Variants in RBFOX1 observed in about 807,000 individuals in gnomAD.
The protein encoded by RBFOX1 is RNA binding fox-1 homolog 1, also known as RNA binding protein fox-1 homolog 1.
Under a neutral mutation model 57.7 loss-of-function variants are expected in RBFOX1, and 8 were observed. The ratio of observed to expected loss-of-function variants is 0.14; its 90% CI spans 0.08 to 0.25. The LOEUF (loss-of-function observed/expected upper bound fraction) is 0.25. RBFOX1 is among the 10% of genes least tolerant of loss of function. RBFOX1 has a pLI of 1.00. For synonymous variants in RBFOX1, 326 were observed against 222.4 expected, an observed-to-expected ratio of 1.47 and a Z score of -4.15; for missense variants, 611 against 548.5, an observed-to-expected ratio of 1.11 and a Z score of -1.14.
intron 1 of RBFOX1, among the ~76,000 whole-genome samples, chr16:5,252,449 T>G (rs1436035473): frequency 1.3e-5 from 2 of 152,160 alleles, no homozygotes; most frequent in Non-Finnish European, 2.9e-5. Context: ...CGTATGAGAG[T>G]TCCGTGTGGG....
At chr16:7,189,993 C>T (rs1602388087) in intron 4 of RBFOX1, among the ~76,000 whole-genome samples, 1 of 152,148 alleles carries the variant, frequency 6.6e-6, no homozygotes, top group Non-Finnish European at 1.5e-5. Context: ...TGACAAAATC[C>T]CAAGACTTAT....
chr16:5,857,248 C>T (rs1232127111), intron 3 of RBFOX1, among the ~76,000 whole-genome samples: 2 of 152,058 alleles, frequency 1.3e-5, no homozygotes, highest in Non-Finnish European at 2.9e-5. Flanking sequence ...GGTAAACCTC[C>T]CATCCTATGG....
At chr16:6,972,172 G>A (rs1022912910) in intron 3 of RBFOX1, among the ~76,000 whole-genome samples, 6 of 151,704 alleles carry the variant, frequency 4.0e-5, no homozygotes, top group African/African-American at 1.5e-4. Flanking sequence ...GTATATTCAC[G>A]TTGTTGTGAT....
intron 3 of RBFOX1, among the ~76,000 whole-genome samples, chr16:6,734,754 TA>T (rs2069647831): frequency 1.3e-5 from 2 of 152,188 alleles, no homozygotes; most frequent in East Asian, 3.9e-4. Context: ...CTTTTACCCC[TA>T]TCCAATCAGG....
chr16:6,628,012 A>G (rs928426617), intron 2 of RBFOX1, among the ~76,000 whole-genome samples: 4 of 152,202 alleles, frequency 2.6e-5, no homozygotes, highest in South Asian at 2.1e-4. Flanking sequence ...CAGCAGAGCA[A>G]TGTCTCCAAG....
intron 1 of RBFOX1, among the ~76,000 whole-genome samples, chr16:6,023,327 C>T (rs2095122009): frequency 6.6e-6 from 1 of 151,926 alleles, no homozygotes; most frequent in Non-Finnish European, 1.5e-5. Flanking sequence ...GTCTTCTAGA[C>T]ATCCTCATGT....
Position 5,784,157 on chromosome 16 carries a change from C to G in RBFOX1, c.319-83146C>G, listed in dbSNP as rs1460567257. On this transcript the variant is annotated intron_variant, in intron 3 of 19. Transcript: ENST00000641259. Reference sequence around the variant, plus strand: ...AAGCAGGCAGCCGGGCGCGGTGGCTCACGCCTATAATCCCAGCACTTTGGG... The same window carrying G: ...AAGCAGGCAGCCGGGCGCGGTGGCTGACGCCTATAATCCCAGCACTTTGGG... 2.6e-5 allele frequency among the ~76,000 whole-genome samples: 4 copies of G among 152,212 alleles called. No homozygotes were observed. The South Asian group carries it at 8.3e-4, about 32-fold the overall frequency.
At chr16:7,163,505 G>C (rs933546603) in intron 4 of RBFOX1, among the ~76,000 whole-genome samples, 2 of 151,996 alleles carry the variant, frequency 1.3e-5, no homozygotes, top group African/African-American at 2.4e-5. Flanking sequence ...TGGTCCTTCT[G>C]TTCCCGTTAG....
At chr16:7,524,754 C>A (rs565173958) in intron 5 of RBFOX1, among the ~76,000 whole-genome samples, 2 of 152,180 alleles carry the variant, frequency 1.3e-5, no homozygotes, top group African/African-American at 4.8e-5. Context: ...TTAACTGCGC[C>A]TCCAAATTTC....
intron 9 of RBFOX1, 120 bp from the exon 10 acceptor site, chr16:7,607,165 T>A: frequency 1.2e-6 from 1 of 851,888 alleles, no homozygotes; most frequent in Non-Finnish European, 1.8e-6. Flanking sequence ...AAACGACACC[T>A]CCTTTACATT....
chr16:5,925,067 A>G (rs1161966877), intron 4 of RBFOX1, among the ~76,000 whole-genome samples: 1 of 152,054 alleles, frequency 6.6e-6, no homozygotes, highest in African/African-American at 2.4e-5. Context: ...GGTCATCCAT[A>G]CTTTCCCACC....
In RBFOX1 at chr16:6,019,183, T is replaced by C. The variant is rs951091354; in HGVS notation, c.-936T>C. The stretch of plus-strand genomic sequence containing the variant: ...TCTATATTTTTACTGGAAGATTTCC[T>C]CTTTATTCTCTCCCGCCCTCCTACA... On this transcript the variant is annotated 5_prime_UTR_variant, in exon 1 of 16. Coordinates refer to ENST00000550418, the MANE Select transcript of RBFOX1 (RefSeq NM_018723.4). The surrounding 1 kb of genome is among the most constrained non-coding windows in gnomAD (Gnocchi z 4.2). 4 of 985,164 alleles carry C rather than the reference T, an allele frequency of 4.1e-6. No homozygotes were observed. The South Asian group carries it at 1.9e-4, about 46-fold the overall frequency. The allele number at this position is 985,164 out of a possible 1,614,324, so 61.0% of individuals were successfully genotyped here. A position where few individuals can be genotyped will look rare whatever the true frequency, so the allele number is the denominator to read the frequency against.
intron 4 of RBFOX1, among the ~76,000 whole-genome samples, chr16:7,085,859 A>G (rs2059909814): frequency 6.6e-6 from 1 of 152,192 alleles, no homozygotes; most frequent in South Asian, 2.1e-4. Context: ...AAAATCCTGC[A>G]TCCCAGGAAA....
intron 4 of RBFOX1, among the ~76,000 whole-genome samples, chr16:7,145,591 G>C (rs1024586653): frequency 6.6e-6 from 1 of 152,056 alleles, no homozygotes; most frequent in Admixed American, 6.5e-5. Context: ...TGCACTTACT[G>C]TGTTTTACCC....
chr16:5,706,635 G>A (rs1206098910), intron 3 of RBFOX1, among the ~76,000 whole-genome samples: 3 of 152,182 alleles, frequency 2.0e-5, no homozygotes, highest in Admixed American at 1.3e-4. Flanking sequence ...TTTCTCCAGA[G>A]TGTCTCTCTG....
intron 4 of RBFOX1, among the ~76,000 whole-genome samples, chr16:7,159,946 A>G (rs1043086841): frequency 1.3e-5 from 2 of 152,186 alleles, no homozygotes; most frequent in African/African-American, 4.8e-5. Context: ...GTTTTTCACT[A>G]AATATCAGAA....
At chr16:6,039,239 G>T (rs1395061497) in intron 1 of RBFOX1, among the ~76,000 whole-genome samples, 1 of 150,960 alleles carries the variant, frequency 6.6e-6, no homozygotes, top group African/African-American at 2.4e-5. Flanking sequence ...GACAAGAGGT[G>T]TCAATGTCAT....
intron 3 of RBFOX1, among the ~76,000 whole-genome samples, chr16:6,960,452 G>C (rs2082723682): frequency 6.6e-6 from 1 of 152,106 alleles, no homozygotes; most frequent in Admixed American, 6.5e-5. Context: ...AAACTCCCTT[G>C]TCTCCCAGTT....
intron 4 of RBFOX1, among the ~76,000 whole-genome samples, chr16:6,007,993 A>T (rs1264421690): frequency 6.6e-6 from 1 of 152,136 alleles, no homozygotes; most frequent in African/African-American, 2.4e-5. Context: ...TGGGCAGATC[A>T]CTTGAGGTCA....
Sources: gnomAD v4.1 joint callset for allele counts (sites outside exome capture counted in the v4.1 genomes callset) on GRCh38, gnomAD v4.1.1 for gene constraint, Gnocchi (gnomAD v3.1) non-coding constraint, MANE v1.5 for transcripts, NCBI Gene and HGNC (gene_info 2026-07-23, HGNC 2026-07-21) for gene names.